The following MRPS27 variants were observed in gnomAD, a reference collection of about 807,000 sequenced individuals.
MRPS27 encodes the protein mitochondrial ribosomal protein S27.
Under a neutral mutation model 48.9 loss-of-function variants are expected in MRPS27, and 43 were observed. The ratio of observed to expected loss-of-function variants is 0.88; its 90% confidence interval spans 0.69 to 1.13. The LOEUF (loss-of-function observed/expected upper bound fraction) is 1.13. MRPS27 is among the 50% of genes most tolerant of loss of function. MRPS27 has a pLI of 0.00. For missense variants in MRPS27, 467 were observed against 476.3 expected (o/e 0.98, Z 0.18); for synonymous variants, 188 against 171.9 (o/e 1.09, Z -0.73).
chr5:72,253,518 A>G (rs1052382733), intron 4 of MRPS27, among the ~76,000 whole-genome samples: 1 of 152,254 alleles, frequency 6.6e-6, no homozygotes. Flanking sequence ...TCTGGATTTC[A>G]AATTAAAGAA....
intron 6 of MRPS27, among the ~76,000 whole-genome samples, chr5:72,233,793 C>G (rs1429098476): frequency 6.6e-6 from 1 of 152,014 alleles, no homozygotes; most frequent in East Asian, 1.9e-4. Flanking sequence ...ATTACTGAAT[C>G]CAAAATTATA....
intron 2 of MRPS27, among the ~76,000 whole-genome samples, chr5:72,309,415 G>A (rs780736283): frequency 6.6e-5 from 10 of 151,906 alleles, no homozygotes; most frequent in Non-Finnish European, 1.3e-4. Context: ...ACAGGTGTGC[G>A]CCACCACGCC....
intron 4 of MRPS27, among the ~76,000 whole-genome samples, chr5:72,253,016 G>A (rs1748707344): frequency 6.6e-6 from 1 of 152,176 alleles, no homozygotes; most frequent in African/African-American, 2.4e-5. Context: ...TCACTAACTT[G>A]TATGAAGACT....
intron 4 of MRPS27, among the ~76,000 whole-genome samples, chr5:72,274,860 T>C (rs1749333830): frequency 6.6e-6 from 1 of 152,192 alleles, no homozygotes. Flanking sequence ...GGGACTACTG[T>C]TGTGTATGCA....
At chr5:72,274,446 C>G (rs549754636) in intron 4 of MRPS27, among the ~76,000 whole-genome samples, 1 of 152,316 alleles carries the variant, frequency 6.6e-6, no homozygotes, top group East Asian at 1.9e-4. Flanking sequence ...TCCACCTCCA[C>G]ATCTTGTGTC....
At chr5:72,315,773 C>T (rs1014371479) in intron 1 of MRPS27, among the ~76,000 whole-genome samples, 4 of 152,112 alleles carry the variant, frequency 2.6e-5, no homozygotes, top group Non-Finnish European at 4.4e-5. Context: ...TCATACCTTA[C>T]TGGAGAGAAC....
chr5:72,319,407 C>A (rs1222052995), intron 1 of MRPS27, among the ~76,000 whole-genome samples: 4 of 152,064 alleles, frequency 2.6e-5, no homozygotes, highest in Non-Finnish European at 5.9e-5. Context: ...CTGAAAAATT[C>A]TTCCACGAAG....
Position 72,223,758 on chromosome 5 carries a change from T to C in MRPS27, c.930A>G (p.Ser310=). The change falls in exon 10 of 11, where the codon TCA becomes TCG. Residue 310 remains serine (S), a synonymous_variant. Transcript: ENST00000261413. The part of the protein sequence containing the change: ...QSQNDEDNQG[S]EKLVEQLDIE... Reference sequence around the variant, plus strand: ...TGTCTAACTGCTCCACCAGTTTTTCTGACCCCTGGTTGTCTTCATCATTTT... The same window carrying C: ...TGTCTAACTGCTCCACCAGTTTTTCCGACCCCTGGTTGTCTTCATCATTTT... The C allele has an allele frequency of 5.0e-6, 8 of 1,614,074 alleles. No homozygotes were observed. Among genetic ancestry groups the C allele is most frequent in the Non-Finnish European group, 6.8e-6 (8 of 1,179,950 alleles).
At chr5:72,250,736 C>T (rs1489365247) in intron 4 of MRPS27, among the ~76,000 whole-genome samples, 1 of 152,124 alleles carries the variant, frequency 6.6e-6, no homozygotes, top group African/African-American at 2.4e-5. Flanking sequence ...GAACCAAACA[C>T]AGTAAAAATA....
At chr5:72,299,025 A>G (rs1008846215) in intron 2 of MRPS27, among the ~76,000 whole-genome samples, 2 of 152,096 alleles carry the variant, frequency 1.3e-5, no homozygotes, top group Non-Finnish European at 2.9e-5. Context: ...GGAACAGAAA[A>G]CCAAATACCA....
At chr5:72,242,324 G>T (rs926652767) in intron 4 of MRPS27, among the ~76,000 whole-genome samples, 1 of 151,408 alleles carries the variant, frequency 6.6e-6, no homozygotes, top group Non-Finnish European at 1.5e-5. Flanking sequence ...AGGAAAGAAG[G>T]AGAGCAGAAT....
intron 4 of MRPS27, chr5:72,241,769 TTCTCGC>T: frequency 7.3e-6 from 10 of 1,370,238 alleles, no homozygotes; most frequent in Non-Finnish European, 1.0e-5. Context: ...CTGGCTTTTG[TTCTCGC>T]CTGCTCTGAC....
chr5:72,268,057 T>C (rs951009382), intron 4 of MRPS27, among the ~76,000 whole-genome samples: 16 of 152,102 alleles, frequency 1.1e-4, no homozygotes, highest in Non-Finnish European at 2.1e-4. Context: ...CCAACAAACA[T>C]GTGCACCAAG....
chr5:72,256,618 G>A (rs1356912425), intron 4 of MRPS27, among the ~76,000 whole-genome samples: 1 of 152,210 alleles, frequency 6.6e-6, no homozygotes, highest in Non-Finnish European at 1.5e-5. Context: ...TAAAACTGCA[G>A]TGGGTGGAAC....
chr5:72,242,533 A>G (rs191322766), intron 4 of MRPS27, among the ~76,000 whole-genome samples: 151 of 151,566 alleles, frequency 1.0e-3, no homozygotes, highest in African/African-American at 3.5e-3. Context: ...TTCGTCATTT[A>G]ATTAAAAAAA....
At chr5:72,244,428 A>G (rs953806706) in intron 4 of MRPS27, among the ~76,000 whole-genome samples, 6 of 152,194 alleles carry the variant, frequency 3.9e-5, no homozygotes, top group Non-Finnish European at 7.3e-5. Context: ...CATACTAGAA[A>G]CTACTCCAGG....
intron 1 of MRPS27, among the ~76,000 whole-genome samples, chr5:72,319,546 T>C (rs1750683224): frequency 7.1e-6 from 1 of 141,362 alleles, no homozygotes; most frequent in African/African-American, 2.6e-5. Flanking sequence ...CCTTTTTTTT[T>C]TTTTTTTTTT....
At chr5:72,256,659 A>C (rs1748817374) in intron 4 of MRPS27, among the ~76,000 whole-genome samples, 1 of 152,258 alleles carries the variant, frequency 6.6e-6, no homozygotes, top group Non-Finnish European at 1.5e-5. Context: ...GCAGACAGGA[A>C]GCAGTTTAGA....
chr5:72,262,930 C>A (rs1749020867), intron 4 of MRPS27, among the ~76,000 whole-genome samples: 1 of 152,122 alleles, frequency 6.6e-6, no homozygotes, highest in Non-Finnish European at 1.5e-5. Context: ...ATCCCATGCC[C>A]AGCCCCAAGT....
Sources: allele counts gnomAD v4.1 joint callset (sites outside exome capture counted in the v4.1 genomes callset), GRCh38; gene constraint gnomAD v4.1.1; transcripts MANE v1.5; gene names NCBI Gene and HGNC (gene_info 2026-07-23, HGNC 2026-07-21).